The following TUSC3 variants were observed in gnomAD, a reference collection of about 807,000 sequenced individuals.
TUSC3 encodes the protein dolichyl-diphosphooligosaccharide--protein glycosyltransferase subunit TUSC3.
A neutral mutation model predicts 44.8 loss-of-function variants in TUSC3; 45 were observed. The ratio of observed to expected loss-of-function variants is 1.00; its 90% CI spans 0.79 to 1.29. The LOEUF (loss-of-function observed/expected upper bound fraction) is 1.29, where lower values mean the gene tolerates loss of function less well. Among genes scored for constraint, TUSC3 ranks in the 50% most tolerant of loss-of-function variants. The pLI, the probability that TUSC3 is intolerant of heterozygous loss-of-function variation, is 0.00. For missense variants in TUSC3, 519 were observed against 437.9 expected, an observed-to-expected ratio of 1.19 and a Z score of -1.65; for synonymous variants, 212 against 152.9, an observed-to-expected ratio of 1.39 and a Z score of -2.85.
intron 9 of TUSC3, among the ~76,000 whole-genome samples, 184 bp from the exon 10 acceptor site, chr8:15,757,607 T>C (rs1811979831): frequency 6.6e-6 from 1 of 152,178 alleles, no homozygotes; most frequent in South Asian, 2.1e-4. Context: ...CTTATAAAGG[T>C]CCAAGGATTT....
At chr8:15,453,477 T>C (rs1800218991) in intron 1 of TUSC3, among the ~76,000 whole-genome samples, 1 of 152,208 alleles carries the variant, frequency 6.6e-6, no homozygotes, top group African/African-American at 2.4e-5. Context: ...TATCAGGCTT[T>C]TGAGTCTTGT....
intron 2 of TUSC3, among the ~76,000 whole-genome samples, chr8:15,509,026 A>G (rs1563269876): frequency 6.6e-6 from 1 of 152,172 alleles, no homozygotes; most frequent in African/African-American, 2.4e-5. Flanking sequence ...TCAGCTCAGA[A>G]TGAGAGGGAA....
chr8:15,538,948 C>A (rs1259945862), upstream of TUSC3, among the ~76,000 whole-genome samples: 1 of 151,380 alleles, frequency 6.6e-6, no homozygotes, highest in Non-Finnish European at 1.5e-5. Context: ...CTCCTGGGCT[C>A]TAGTGATCCT....
At chr8:15,831,095 TG>T in the TUSC3 span, among the ~76,000 whole-genome samples, 1 of 152,148 alleles carries the variant, frequency 6.6e-6, no homozygotes, top group Admixed American at 6.5e-5. Flanking sequence ...CCCAGCACAT[TG>T]TATTCCTAAC....
intron 7 of TUSC3, among the ~76,000 whole-genome samples, chr8:15,734,804 C>A (rs1021428269): frequency 3.3e-5 from 5 of 152,080 alleles, no homozygotes; most frequent in African/African-American, 9.7e-5. Flanking sequence ...GTAGAAGATA[C>A]AACAGGTACA....
Position 15,720,342 on chromosome 8 carries a change from T to C in TUSC3, c.799-10324T>C, listed in dbSNP as rs75763527. Reference sequence around the variant, plus strand: ...TTCAAATAGCAAGCTTAAAGAAATATAAAATTACCTCAAAATTTAAGTCTC... The same window carrying C: ...TTCAAATAGCAAGCTTAAAGAAATACAAAATTACCTCAAAATTTAAGTCTC... On this transcript the variant is annotated intron_variant, in intron 6 of 10. Coordinates refer to ENST00000503731, the MANE Select transcript of TUSC3 (RefSeq NM_006765.4). Among the ~76,000 whole-genome samples, 495 of 152,020 alleles carry C rather than the reference T, an allele frequency of 3.3e-3. 8 individuals are homozygous for C. The East Asian group carries it at 0.035, about 11-fold the overall frequency.
rs1337619330 is a variant in TUSC3, at chr8:15,559,449, T to C, written c.138+18881T>C. ...TATGTGGTCAATTTTGGAATAGGTG[T>C]GGTGTGGTGCTGACAAAAATGTATA... On this transcript the variant is annotated intron_variant, in intron 1 of 10. Transcript: ENST00000503731. Among the ~76,000 whole-genome samples, 285 of 147,616 alleles carry C rather than the reference T, an allele frequency of 1.9e-3. 1 individual carries two copies. Among genetic ancestry groups the C allele is most frequent in the Middle Eastern group, 0.014 (4 of 284 alleles).
At chr8:15,481,903 C>G (rs1800666995) in intron 1 of TUSC3, among the ~76,000 whole-genome samples, 1 of 152,104 alleles carries the variant, frequency 6.6e-6, no homozygotes, top group African/African-American at 2.4e-5. Flanking sequence ...ATGAAGTTTG[C>G]TCCATTGATT....
chr8:15,423,976 T>TG (rs1799773294), intron 1 of TUSC3, among the ~76,000 whole-genome samples: 1 of 86,440 alleles, frequency 1.2e-5, no homozygotes, highest in Non-Finnish European at 2.2e-5. Flanking sequence ...TTTGTTTTTT[T>TG]TTTTTTTTTT....
At chr8:15,806,030 C>G in the TUSC3 span, 1 of 241,458 alleles carries the variant, frequency 4.1e-6, no homozygotes, top group Admixed American at 5.1e-5. Context: ...TGTGATCATT[C>G]TTACCCATGT....
At chr8:15,713,912 A>G (rs1042318787) in intron 6 of TUSC3, among the ~76,000 whole-genome samples, 1 of 152,184 alleles carries the variant, frequency 6.6e-6, no homozygotes, top group East Asian at 1.9e-4. Context: ...TCTCATGAAA[A>G]TAATTGGTCA....
chr8:15,723,033 A>G (rs1036753559), intron 6 of TUSC3, among the ~76,000 whole-genome samples: 1 of 152,102 alleles, frequency 6.6e-6, no homozygotes, highest in African/African-American at 2.4e-5. Context: ...GAGTTTCCAT[A>G]TATAGAGCCT....
intron 1 of TUSC3, among the ~76,000 whole-genome samples, chr8:15,607,313 T>C (rs746661872): frequency 1.3e-5 from 2 of 152,118 alleles, no homozygotes; most frequent in Non-Finnish European, 2.9e-5. Context: ...TAGAGACAGT[T>C]CTAGGCTCTC....
At chr8:15,595,055 A>G (rs1050052196) in intron 1 of TUSC3, among the ~76,000 whole-genome samples, 1 of 152,192 alleles carries the variant, frequency 6.6e-6, no homozygotes, top group Non-Finnish European at 1.5e-5. Context: ...GGACTGGAAC[A>G]GAACTTGGGC....
chr8:15,749,376 C>T (rs1351246793), intron 9 of TUSC3, among the ~76,000 whole-genome samples: 1 of 152,074 alleles, frequency 6.6e-6, no homozygotes, highest in Non-Finnish European at 1.5e-5. Context: ...AAAAACTAAT[C>T]CCATAAAAGG....
At chr8:15,605,135 C>T (rs1339840059) in intron 1 of TUSC3, among the ~76,000 whole-genome samples, 1 of 151,768 alleles carries the variant, frequency 6.6e-6, no homozygotes, top group African/African-American at 2.4e-5. Flanking sequence ...AGCAGCCTGA[C>T]CCCAAGCGTG....
chr8:15,631,949 C>T (rs554324710), intron 2 of TUSC3, among the ~76,000 whole-genome samples: 12 of 152,060 alleles, frequency 7.9e-5, no homozygotes, highest in Non-Finnish European at 5.9e-5. Context: ...CCTCCTGATC[C>T]GCCTGCCTTG....
chr8:15,710,472 A>T (rs1809795684), intron 6 of TUSC3, among the ~76,000 whole-genome samples: 1 of 151,780 alleles, frequency 6.6e-6, no homozygotes, highest in South Asian at 2.1e-4. Context: ...ACAGTGAGTA[A>T]TCAATCTGCA....
chr8:15,459,045 A>G (rs1800304447), intron 1 of TUSC3, among the ~76,000 whole-genome samples: 2 of 152,158 alleles, frequency 1.3e-5, no homozygotes, highest in Non-Finnish European at 2.9e-5. Context: ...GATCTCCCCA[A>G]ATGTTCTGAA....
Sources: gnomAD v4.1 joint callset for allele counts (sites outside exome capture counted in the v4.1 genomes callset) on GRCh38, gnomAD v4.1.1 for gene constraint, MANE v1.5 for transcripts, NCBI Gene and HGNC (gene_info 2026-07-23, HGNC 2026-07-21) for gene names.